The following MNAT1 variants were observed in gnomAD, a reference collection of about 807,000 sequenced individuals.
MNAT1 encodes CDK-activating kinase assembly factor MAT1.
A neutral mutation model predicts 42.0 loss-of-function variants in MNAT1; 43 were observed. The ratio of observed to expected loss-of-function variants is 1.02; its 90% CI spans 0.80 to 1.32. MNAT1 has a LOEUF of 1.32. MNAT1 is among the 40% of genes most tolerant of loss of function. The pLI, the probability that MNAT1 is intolerant of heterozygous loss-of-function variation, is 0.00. For missense variants in MNAT1, 306 were observed against 350.4 expected (o/e 0.87, Z 1.01); for synonymous variants, 118 against 120.0 (o/e 0.98, Z 0.11).
intron 6 of MNAT1, among the ~76,000 whole-genome samples, chr14:60,856,683 C>CT (rs112853589): frequency 0.032 from 4,339 of 135,208 alleles, 99 homozygotes; most frequent in Middle Eastern, 0.058. Context: ...TGCTCATTCG[C>CT]TTTTTTTTTT....
chr14:60,746,691 A>G (rs1896626601), intron 1 of MNAT1, among the ~76,000 whole-genome samples: 1 of 149,934 alleles, frequency 6.7e-6, no homozygotes, highest in South Asian at 2.1e-4. Flanking sequence ...TGGCTCTAAC[A>G]TATATTTTTT....
chr14:60,788,939 C>T (rs552757892), intron 1 of MNAT1, among the ~76,000 whole-genome samples: 7 of 152,240 alleles, frequency 4.6e-5, no homozygotes, highest in East Asian at 1.9e-4. Flanking sequence ...GTGTCATTGG[C>T]GCAGTGCTTT....
intron 1 of MNAT1, among the ~76,000 whole-genome samples, chr14:60,781,249 G>A (rs990385953): frequency 6.6e-6 from 1 of 152,006 alleles, no homozygotes; most frequent in Non-Finnish European, 1.5e-5. Flanking sequence ...TTTAAGTGAG[G>A]AAATAAGTTT....
chr14:60,944,423 G>A (rs2036233813), intron 7 of MNAT1, among the ~76,000 whole-genome samples: 1 of 152,204 alleles, frequency 6.6e-6, no homozygotes, highest in African/African-American at 2.4e-5. Context: ...TCTGCCACGT[G>A]AGGACACAGA....
At chr14:60,898,236 G>A (rs2035003260) in intron 7 of MNAT1, among the ~76,000 whole-genome samples, 1 of 151,914 alleles carries the variant, frequency 6.6e-6, no homozygotes, top group African/African-American at 2.4e-5. Flanking sequence ...TGATGAACAT[G>A]TAAGTGCAAG....
At chr14:60,757,723 C>G (rs2030419570) in intron 1 of MNAT1, among the ~76,000 whole-genome samples, 1 of 152,162 alleles carries the variant, frequency 6.6e-6, no homozygotes, top group South Asian at 2.1e-4. Flanking sequence ...CTGTCCTTAA[C>G]TAGAACATAT....
intron 3 of MNAT1, 28 bp downstream of exon 3, chr14:60,798,188 C>T: frequency 8.7e-7 from 1 of 1,150,932 alleles, no homozygotes; most frequent in Non-Finnish European, 1.3e-6. Context: ...TGTATGCTAG[C>T]CTATAAGACC....
intron 7 of MNAT1, among the ~76,000 whole-genome samples, chr14:60,967,461 G>A (rs2036702460): frequency 6.6e-6 from 1 of 152,146 alleles, no homozygotes; most frequent in African/African-American, 2.4e-5. Flanking sequence ...AGAAGTGTTA[G>A]TAGTCATGCT....
At chr14:60,833,971 T>C (rs966727824) in intron 6 of MNAT1, among the ~76,000 whole-genome samples, 5 of 152,228 alleles carry the variant, frequency 3.3e-5, no homozygotes, top group African/African-American at 1.2e-4. Flanking sequence ...GTAGAGGTGT[T>C]AATAGTGTTT....
At chr14:60,874,406 GCTTTTGTAGA>G (rs1015659077) in intron 6 of MNAT1, among the ~76,000 whole-genome samples, 1 of 152,062 alleles carries the variant, frequency 6.6e-6, no homozygotes. Context: ...CCATTGCCTT[GCTTTTGTAGA>G]CTTTGTCCTC....
At chr14:60,831,185 A>T (rs377208638) in intron 6 of MNAT1, among the ~76,000 whole-genome samples, 1 of 149,994 alleles carries the variant, frequency 6.7e-6, no homozygotes, top group African/African-American at 2.5e-5. Context: ...GTACATGGAG[A>T]TACATATGGG....
At chr14:60,908,996 C>T (rs2035281163) in intron 7 of MNAT1, among the ~76,000 whole-genome samples, 1 of 152,086 alleles carries the variant, frequency 6.6e-6, no homozygotes, top group South Asian at 2.1e-4. Flanking sequence ...TGTTTCCTGA[C>T]TTTTTAATGA....
At chr14:60,813,641 A>C (rs1258025987) in intron 5 of MNAT1, among the ~76,000 whole-genome samples, 1 of 152,208 alleles carries the variant, frequency 6.6e-6, no homozygotes, top group Non-Finnish European at 1.5e-5. Flanking sequence ...GGCCATCTTT[A>C]GTCCACACAG....
At chr14:60,928,336 T>C (rs2035807725) in intron 7 of MNAT1, among the ~76,000 whole-genome samples, 1 of 152,202 alleles carries the variant, frequency 6.6e-6, no homozygotes, top group Non-Finnish European at 1.5e-5. Flanking sequence ...TAAATATTCA[T>C]ACTGTTTGCA....
chr14:60,746,383 G>A (rs545748689), intron 1 of MNAT1, among the ~76,000 whole-genome samples: 1 of 151,844 alleles, frequency 6.6e-6, no homozygotes, highest in African/African-American at 2.4e-5. Context: ...GGCGTGGTGG[G>A]TCATGCCTGT....
At chr14:60,795,128 A>G (rs2031972087) in intron 1 of MNAT1, among the ~76,000 whole-genome samples, 1 of 152,196 alleles carries the variant, frequency 6.6e-6, no homozygotes, top group Non-Finnish European at 1.5e-5. Flanking sequence ...GAGGACTACA[A>G]ATGTTTAAAT....
At chr14:60,833,975 A>G (rs879609978) in intron 6 of MNAT1, among the ~76,000 whole-genome samples, 2 of 152,122 alleles carry the variant, frequency 1.3e-5, no homozygotes, top group Non-Finnish European at 2.9e-5. Flanking sequence ...AGGTGTTAAT[A>G]GTGTTTTCTG....
At chr14:60,779,555 G>A (rs555621315) in intron 1 of MNAT1, among the ~76,000 whole-genome samples, 2 of 152,076 alleles carry the variant, frequency 1.3e-5, no homozygotes, top group Non-Finnish European at 2.9e-5. Context: ...TTGGGAGGCC[G>A]AGCAGGAGGA....
intron 6 of MNAT1, among the ~76,000 whole-genome samples, chr14:60,855,451 C>T (rs1172989094): frequency 2.0e-5 from 3 of 152,140 alleles, no homozygotes. Context: ...GTGGTGTAGG[C>T]ACATGAAGGA....
Sources: gnomAD v4.1 joint callset for allele counts (sites outside exome capture counted in the v4.1 genomes callset) on GRCh38, gnomAD v4.1.1 for gene constraint, MANE v1.5 for transcripts, NCBI Gene and HGNC (gene_info 2026-07-23, HGNC 2026-07-21) for gene names.